Variants in LIPH observed in about 807,000 individuals in gnomAD.
LIPH encodes the protein lipase H, also known as lipase member H.
LIPH carries 32 observed loss-of-function variants against 47.6 expected under a neutral mutation model. That is an observed-to-expected ratio of 0.67 (90% confidence interval 0.51 to 0.90). The LOEUF (loss-of-function observed/expected upper bound fraction) is 0.90. LIPH is among the 40% of genes least tolerant of loss of function. The probability of loss-of-function intolerance (pLI) is 0.00; values close to 1 mark genes in which losing one functional copy is unlikely to be tolerated. For synonymous variants in LIPH, 190 were observed against 195.6 expected (o/e 0.97, Z 0.24); for missense variants, 497 against 541.4 (o/e 0.92, Z 0.81).
rs1553826310 is a variant in LIPH, at chr3:185,544,344, T to TTTTGTTTTGTTTTGTTTTGTTTTGTTTTG, written c.49+8078_49+8079insCAAAACAAAACAAAACAAAACAAAACAAA. Among the ~76,000 whole-genome samples the TTTTGTTTTGTTTTGTTTTGTTTTGTTTTG allele has an allele frequency of 5.3e-5, 8 of 151,820 alleles. No homozygotes were observed. The South Asian group carries it at 1.7e-3, about 32-fold the overall frequency. ...ATGGAGAATTTTCCTCTGTTGTTTT[T>TTTTGTTTTGTTTTGTTTTGTTTTGTTTTG]TTTTGTTTTGTTTTGTTTTGTTTTT... On this transcript the variant is annotated intron_variant, in intron 1 of 9. Coordinates refer to ENST00000296252, the MANE Select transcript of LIPH (RefSeq NM_139248.3).
intron 2 of LIPH, among the ~76,000 whole-genome samples, chr3:185,534,100 G>A (rs1324347023): frequency 1.3e-5 from 2 of 152,164 alleles, no homozygotes; most frequent in Admixed American, 6.6e-5. Context: ...GCTCACGCCT[G>A]TAATCCCAGC....
intron 5 of LIPH, among the ~76,000 whole-genome samples, chr3:185,519,599 G>A (rs1375277925): frequency 6.6e-6 from 1 of 152,036 alleles, no homozygotes; most frequent in Non-Finnish European, 1.5e-5. Flanking sequence ...ACTTTAGGAG[G>A]CCGAAGCAGG....
chr3:185,521,269 G>C (rs1359261227), intron 5 of LIPH, among the ~76,000 whole-genome samples: 1 of 152,182 alleles, frequency 6.6e-6, no homozygotes, highest in Non-Finnish European at 1.5e-5. Flanking sequence ...CTATTATGCT[G>C]TTCTGAACTG....
At chr3:185,529,047 C>T (rs187554494) in intron 3 of LIPH, among the ~76,000 whole-genome samples, 113 of 147,776 alleles carry the variant, frequency 7.6e-4, no homozygotes, top group African/African-American at 2.7e-3. Context: ...TGTGGTGGCA[C>T]GTGCCTGTAG....
intron 8 of LIPH, among the ~76,000 whole-genome samples, chr3:185,512,673 G>A (rs1207594464): frequency 1.3e-5 from 2 of 151,680 alleles, no homozygotes; most frequent in Non-Finnish European, 2.9e-5. Context: ...ATTTTTAATG[G>A]AGACAGGGTT....
intron 1 of LIPH, among the ~76,000 whole-genome samples, chr3:185,544,431 G>A (rs891808105): frequency 1.3e-5 from 2 of 151,648 alleles, no homozygotes; most frequent in Non-Finnish European, 2.9e-5. Flanking sequence ...TCCGCTCACT[G>A]CAAACTCTGC....
chr3:185,538,873 ACATATATATACATATATACG>A (rs1258160004), intron 1 of LIPH, among the ~76,000 whole-genome samples: 4 of 142,816 alleles, frequency 2.8e-5, no homozygotes, highest in East Asian at 4.0e-4. Context: ...ACATATATAC[ACATATATATACATATATACG>A]TATATACACA....
chr3:185,550,860 G>C (rs528878222), intron 1 of LIPH, among the ~76,000 whole-genome samples: 1 of 152,208 alleles, frequency 6.6e-6, no homozygotes, highest in Non-Finnish European at 1.5e-5. Flanking sequence ...GAGCCACTGC[G>C]CCTGACCATT....
chr3:185,550,840 T>G (rs1203706171), intron 1 of LIPH, among the ~76,000 whole-genome samples: 1 of 152,112 alleles, frequency 6.6e-6, no homozygotes, highest in Non-Finnish European at 1.5e-5. Flanking sequence ...AGTGCTGGGA[T>G]TATAGGCATG....
rs187152800 is a variant in LIPH at position 185,514,203 on chromosome 3, G to A, written c.1094+207C>T. ...AGAAAGGAAGAAGAGAAGGAGGGAA[G>A]GAAAGAAAACCCTTGCACCAATCCC... On this transcript the variant is annotated intron_variant, in intron 8 of 9. Coordinates refer to ENST00000296252, the MANE Select transcript of LIPH (RefSeq NM_139248.3). Among the ~76,000 whole-genome samples the A allele has an allele frequency of 2.7e-4, 40 of 149,942 alleles. No individual in the cohort carries two copies. The East Asian group carries it at 6.9e-3, about 26-fold the overall frequency.
At position 185,535,060 on chromosome 3, in the gene LIPH, A is replaced by G. The variant is rs1349689376; in HGVS notation, c.122T>C (p.Val41Ala). 6.2e-7 allele frequency: 1 copy of G among 1,613,992 alleles called. No homozygotes were observed. The highest frequency in any genetic ancestry group is 1.1e-5 in the South Asian group (1 of 91,054). Residue 41 changes from valine to alanine, a missense_variant, in exon 2 of 10, where the codon GTG becomes GCG. By Grantham distance (64) the Val-to-Ala change is moderately conservative. Coordinates refer to ENST00000296252, the MANE Select transcript of LIPH (RefSeq NM_139248.3). ...TTTCCTTGTGTAGAGCATCAGCCTC[A>G]CATTTAGTCCCGTACCAACCACTGC... ...HSAVVGTGLN[V>A]RLMLYTRKNL...
At chr3:185,552,291 A>G (rs1282589297) in intron 1 of LIPH, 132 bp downstream of exon 1, 3 of 601,910 alleles carry the variant, frequency 5.0e-6, no homozygotes, top group African/African-American at 1.9e-5. Flanking sequence ...CAGGCTTCCT[A>G]TATCTTTTTC....
chr3:185,534,971 T>C lies in LIPH; in HGVS notation c.211A>G (p.Thr71Ala). ...CTGAATCCATGGACAATGAAGGTGG[T>C]TTTCTTGGTCACATTCAAGTTCCCA... ...AFGNLNVTKK[T>A]TFIVHGFRPT... The change falls in exon 2 of 10, where the codon ACC becomes GCC. Residue 71 changes from threonine (T) to alanine (A), a missense_variant. Coordinates refer to ENST00000296252, the MANE Select transcript of LIPH (RefSeq NM_139248.3). The C allele has an allele frequency of 6.2e-7, 1 of 1,614,034 alleles. No homozygotes were observed. Among genetic ancestry groups the C allele is most frequent in the South Asian group, 1.1e-5 (1 of 91,020 alleles).
intron 1 of LIPH, among the ~76,000 whole-genome samples, chr3:185,538,922 T>C (rs1720610519): frequency 6.8e-6 from 1 of 146,486 alleles, no homozygotes; most frequent in Non-Finnish European, 1.5e-5. Context: ...TATATACACA[T>C]ATACACATAT....
At chr3:185,549,432 A>G (rs1199704974) in intron 1 of LIPH, among the ~76,000 whole-genome samples, 1 of 152,230 alleles carries the variant, frequency 6.6e-6, no homozygotes, top group Non-Finnish European at 1.5e-5. Flanking sequence ...CAAATATCTG[A>G]GGAAATAATT....
At chr3:185,551,110 G>T (rs971514489) in intron 1 of LIPH, among the ~76,000 whole-genome samples, 7 of 152,096 alleles carry the variant, frequency 4.6e-5, no homozygotes, top group African/African-American at 1.7e-4. Context: ...GGAGGGGGAG[G>T]TTGTAGTGAG....
intron 5 of LIPH, 145 bp from the exon 6 acceptor site, chr3:185,519,454 A>C (rs554180273): frequency 1.5e-6 from 1 of 674,756 alleles, no homozygotes; most frequent in South Asian, 1.7e-5. Context: ...ATAAAATCCC[A>C]TAGATAAGAA....
At chr3:185,517,229 A>G (rs1719755975) in intron 6 of LIPH, 67 bp from the exon 7 acceptor site, 3 of 866,488 alleles carry the variant, frequency 3.5e-6, no homozygotes, top group Non-Finnish European at 5.9e-6. Flanking sequence ...CAACTGAGGT[A>G]GCAAGAACAT....
At position 185,546,995 on chromosome 3, in the gene LIPH, T is replaced by C. The variant is rs944424975; in HGVS notation, c.49+5428A>G. 7.0e-6 allele frequency: 3 copies of C among 429,168 alleles called. No homozygotes were observed. The Admixed American group carries it at 8.8e-5, about 13-fold the overall frequency. 26.6% of individuals were successfully genotyped at this position (429,168 alleles called of 1,614,324 possible). A position where few individuals can be genotyped will look rare whatever the true frequency, so the allele number is the denominator to read the frequency against. On this transcript the variant is annotated intron_variant, in intron 1 of 9. Transcript: ENST00000296252. ...CATCTGTGAAAAAAGAAGACAGAAT[T>C]ATGGACAGAGGCGAGGAAATTCTGA... is the stretch of plus-strand genomic sequence containing the variant.
Sources: allele counts gnomAD v4.1 joint callset (sites outside exome capture counted in the v4.1 genomes callset), GRCh38; gene constraint gnomAD v4.1.1; transcripts MANE v1.5; gene names NCBI Gene and HGNC (gene_info 2026-07-23, HGNC 2026-07-21).